Variants in SGSM1 observed in about 807,000 individuals in gnomAD.
SGSM1 encodes the protein RUN and TBC1 domain containing 2.
A neutral mutation model predicts 133.8 loss-of-function variants in SGSM1; 73 were observed. The ratio of observed to expected loss-of-function variants is 0.55; its 90% CI spans 0.45 to 0.66. The LOEUF (loss-of-function observed/expected upper bound fraction) is 0.66, where lower values mean the gene tolerates loss of function less well. Ranked by LOEUF, SGSM1 falls within the 30% of genes least tolerant of loss-of-function variation. SGSM1 has a pLI of 0.00. For synonymous variants in SGSM1, 563 were observed against 573.0 expected (o/e 0.98, Z 0.25); for missense variants, 1,213 against 1,448.1 (o/e 0.84, Z 2.64).
At chr22:24,868,583 T>G (rs745789134) in intron 11 of SGSM1, 44 bp downstream of exon 11, 2 of 1,612,854 alleles carry the variant, frequency 1.2e-6, no homozygotes, top group Non-Finnish European at 1.7e-6. Flanking sequence ...TGGAGGCTGG[T>G]CACAGAGGGT....
intron 2 of SGSM1, among the ~76,000 whole-genome samples, chr22:24,825,533 G>A (rs939645250): frequency 2.0e-5 from 3 of 152,162 alleles, no homozygotes; most frequent in African/African-American, 7.2e-5. Context: ...GGGTTCACAC[G>A]ATTCTCCTGT....
chr22:24,892,507 A>C (rs1932831979), intron 16 of SGSM1, among the ~76,000 whole-genome samples: 1 of 152,128 alleles, frequency 6.6e-6, no homozygotes, highest in South Asian at 2.1e-4. Flanking sequence ...AAGGAAAGGA[A>C]GCGGGTTGGT....
chr22:24,867,235 A>G, intron 10 of SGSM1, 75 bp downstream of exon 10: 3 of 1,432,638 alleles, frequency 2.1e-6, no homozygotes, highest in Non-Finnish European at 2.9e-6. Flanking sequence ...CTGCCTATTC[A>G]TTAGCATCAT....
intron 21 of SGSM1, among the ~76,000 whole-genome samples, chr22:24,907,844 G>A (rs183820733): frequency 7.8e-5 from 11 of 140,890 alleles, no homozygotes; most frequent in Non-Finnish European, 1.5e-4. Context: ...CCCGGGAGGC[G>A]GAGCTTGCAA....
At position 24,910,974 on chromosome 22, in the gene SGSM1, G is replaced by T. The variant is rs186306715; in HGVS notation, c.2819-1669G>T. On this transcript the variant is annotated intron_variant, in intron 21 of 24. Coordinates refer to ENST00000400358, the MANE Select transcript of SGSM1 (RefSeq NM_001098497.3). ...TAAATAAATAAAATAAAATAAATAG[G>T]CAAGGCGTGGTGGCTCAGCCTGTAA... is the stretch of plus-strand genomic sequence containing the variant. Among the ~76,000 whole-genome samples, 127 of 151,464 alleles carry T rather than the reference G, an allele frequency of 8.4e-4. 1 individual carries two copies. Among genetic ancestry groups the T allele is most frequent in the Middle Eastern group, 3.4e-3 (1 of 294 alleles).
In SGSM1 at chr22:24,884,115, A is replaced by T. The variant is rs1932478912; in HGVS notation, c.1558A>T (p.Met520Leu). Residue 520 changes from methionine (M) to leucine (L), a missense_variant, in exon 15 of 25, where the codon ATG (methionine) becomes TTG (leucine). Coordinates refer to ENST00000400358, the MANE Select transcript of SGSM1 (RefSeq NM_001098497.3). ...RTHLSALVNH[M>L]IVSPDLPCDA... ...CCACCTATCAGCCCTGGTCAATCAC[A>T]TGATCGTGTCTCCAGACTTGCCCTG... 1 of 1,613,660 alleles carries T rather than the reference A, an allele frequency of 6.2e-7. No individual in the cohort carries two copies. The highest frequency in any genetic ancestry group is 1.3e-5 in the African/African-American group (1 of 74,878).
intron 15 of SGSM1, among the ~76,000 whole-genome samples, chr22:24,884,985 T>C (rs948811470): frequency 2.6e-5 from 4 of 152,126 alleles, no homozygotes; most frequent in Admixed American, 1.3e-4. Context: ...GTTTTGCTCT[T>C]GTTGCCCAGG....
At position 24,855,768 on chromosome 22, in the gene SGSM1, A is replaced by C. The variant is rs1930742601; in HGVS notation, c.801+88A>C. The C allele has an allele frequency of 2.5e-6, 4 of 1,594,470 alleles. No individual in the cohort carries two copies. The African/African-American group carries it at 4.0e-5, about 16-fold the overall frequency. ...AGGTCTCTCTGGCTCCAGATTGCCA[A>C]TCCATTCATCCATTTATGCACTCAC... On this transcript the variant is annotated intron_variant, in intron 8 of 24. Coordinates refer to ENST00000400358, the MANE Select transcript of SGSM1 (RefSeq NM_001098497.3).
At chr22:24,874,417 G>GCC in intron 12 of SGSM1, 1 of 1,607,608 alleles carries the variant, frequency 6.2e-7, no homozygotes, top group Non-Finnish European at 8.5e-7. Flanking sequence ...GTCTCAAGTT[G>GCC]CCCCCGACTT....
chr22:24,868,997 C>A (rs1931623663), intron 12 of SGSM1, 142 bp downstream of exon 12: 3 of 1,277,062 alleles, frequency 2.3e-6, no homozygotes, highest in East Asian at 4.9e-5. Flanking sequence ...GGTTTCTTGG[C>A]AGCCTCAGTT....
rs770678702 is a variant in SGSM1, at chr22:24,919,831, G to A, written c.3031G>A (p.Val1011Ile). Residue 1011 changes from valine (V) to isoleucine (I), a missense_variant, in exon 24 of 25, where the codon GTC (valine) becomes ATC (isoleucine). Val to Ile is a conservative substitution (Grantham distance 29, BLOSUM62 3). Coordinates refer to ENST00000400358, the MANE Select transcript of SGSM1 (RefSeq NM_001098497.3). ...WFLLDFKREL[V>I]YDDVFLVWET... ...GTGTGTTGGTGTCTTGGCAGAACTC[G>A]TCTATGATGACGTCTTCTTGGTCTG... is the stretch of plus-strand genomic sequence containing the variant. 32 of 1,613,850 alleles carry A rather than the reference G, an allele frequency of 2.0e-5. No individual in the cohort carries two copies. Among genetic ancestry groups the A allele is most frequent in the East Asian group, 2.2e-5 (1 of 44,894 alleles).
rs750210644 is a variant in SGSM1 at position 24,912,744 on chromosome 22, T to C, written c.2920T>C (p.Leu974=). ...CACGCACTTTGCAAACATGAGATCG[T>C]TGATCCAGGTATGACCCAGCATCCA... ...MDTHFANMRS[L]IQILDSELFE... The change falls in exon 22 of 25, where the codon TTG becomes CTG. Residue 974 remains leucine, a synonymous_variant. Transcript: ENST00000400358. 1 of 1,610,656 alleles carries C rather than the reference T, an allele frequency of 6.2e-7. No homozygotes were observed. Among genetic ancestry groups the C allele is most frequent in the Admixed American group, 1.7e-5 (1 of 59,676 alleles).
At chr22:24,842,631 T>C (rs1695588407) in intron 2 of SGSM1, among the ~76,000 whole-genome samples, 4 of 152,104 alleles carry the variant, frequency 2.6e-5, no homozygotes, top group Admixed American at 2.6e-4. Flanking sequence ...GGAAAACAAG[T>C]ACTGACCAAA....
At chr22:24,822,793 G>A (rs1263875266) in intron 2 of SGSM1, among the ~76,000 whole-genome samples, 1 of 152,330 alleles carries the variant, frequency 6.6e-6, no homozygotes, top group East Asian at 1.9e-4. Context: ...ACTGCAACAT[G>A]GGGCTCCAGA....
intron 20 of SGSM1, among the ~76,000 whole-genome samples, chr22:24,903,902 G>T (rs1933258116): frequency 6.6e-6 from 1 of 150,670 alleles, no homozygotes; most frequent in South Asian, 2.1e-4. Flanking sequence ...AACCGGGGAA[G>T]TGGAGGTTGC....
chr22:24,905,630 TA>T (rs911854491), intron 21 of SGSM1, among the ~76,000 whole-genome samples: 5 of 148,916 alleles, frequency 3.4e-5, no homozygotes, highest in Non-Finnish European at 6.0e-5. Context: ...TACTAAAAAT[TA>T]AAAAAAAATT....
intron 21 of SGSM1, among the ~76,000 whole-genome samples, chr22:24,905,939 T>C (rs1252287238): frequency 6.6e-6 from 1 of 152,082 alleles, no homozygotes; most frequent in African/African-American, 2.4e-5. Context: ...GGCACCCAGA[T>C]ACCAATAACA....
intron 12 of SGSM1, among the ~76,000 whole-genome samples, chr22:24,870,036 T>C (rs573664994): frequency 6.6e-6 from 1 of 152,376 alleles, no homozygotes; most frequent in Admixed American, 6.5e-5. Context: ...GGATAATGGC[T>C]CTGAGCCTCC....
rs1280114143 is a variant in SGSM1, at chr22:24,900,408, TG to T, written c.2611-1424del. Among the ~76,000 whole-genome samples the T allele has an allele frequency of 5.3e-5, 4 of 75,088 alleles. No homozygotes were observed. The East Asian group carries it at 3.4e-3, about 63-fold the overall frequency. The allele number at this position is 75,088 out of a possible 152,430, so 49.3% of individuals were successfully genotyped here. On this transcript the variant is annotated intron_variant, in intron 19 of 24. Transcript: ENST00000400358. Reference sequence around the variant, plus strand: ...CTTTCTTTCTTTCTTTCTTTCTTTCTGTATTTTTGAGACAGAGTTTCGCTCT... The same window carrying T: ...CTTTCTTTCTTTCTTTCTTTCTTTCTTATTTTTGAGACAGAGTTTCGCTCT...
Sources: allele counts gnomAD v4.1 joint callset (sites outside exome capture counted in the v4.1 genomes callset), GRCh38; gene constraint gnomAD v4.1.1; transcripts MANE v1.5; gene names NCBI Gene and HGNC (gene_info 2026-07-23, HGNC 2026-07-21).